The following EXOC6 variants were observed in gnomAD, a reference collection of about 807,000 sequenced individuals.
EXOC6 encodes the protein exocyst complex component 6.
In EXOC6, 60 loss-of-function variants were observed where a neutral mutation model predicts 112.5. The observed-to-expected ratio is 0.53, with a 90% CI of 0.43 to 0.66. The LOEUF is 0.66. EXOC6 is among the 30% of genes least tolerant of loss of function. EXOC6 has a pLI of 0.00. For missense variants in EXOC6, 855 were observed against 957.1 expected, an observed-to-expected ratio of 0.89 and a Z score of 1.41; for synonymous variants, 295 against 308.0, an observed-to-expected ratio of 0.96 and a Z score of 0.44.
chr10:93,026,282 A>G (rs904761410), intron 20 of EXOC6, among the ~76,000 whole-genome samples: 1 of 152,162 alleles, frequency 6.6e-6, no homozygotes, highest in African/African-American at 2.4e-5. Context: ...TGAGTCAGGG[A>G]GTGTATACAC....
At chr10:92,987,085 A>G (rs1843039166) in intron 18 of EXOC6, among the ~76,000 whole-genome samples, 1 of 152,186 alleles carries the variant, frequency 6.6e-6, no homozygotes, top group Non-Finnish European at 1.5e-5. Context: ...TATATTCTCT[A>G]TAGTTTTGTC....
At chr10:92,944,753 G>A (rs1852874480) in intron 13 of EXOC6, among the ~76,000 whole-genome samples, 2 of 150,922 alleles carry the variant, frequency 1.3e-5, no homozygotes, top group African/African-American at 4.9e-5. Flanking sequence ...TCTCACAGCT[G>A]TGAGGTGATA....
chr10:93,007,456 G>T (rs1295899829), intron 19 of EXOC6, among the ~76,000 whole-genome samples: 1 of 152,080 alleles, frequency 6.6e-6, no homozygotes, highest in Non-Finnish European at 1.5e-5. Flanking sequence ...TTCAAGACCA[G>T]CCTGGCCAAC....
At chr10:92,896,147 G>GTGTGTGTGTGTATATA (rs1432410468) in intron 4 of EXOC6, among the ~76,000 whole-genome samples, 1 of 24,486 alleles carries the variant, frequency 4.1e-5, no homozygotes, top group African/African-American at 2.3e-4. Context: ...GTATGTATGT[G>GTGTGTGTGTGTATATA]TATATATATA....
chr10:92,831,801 CT>C (rs1422775147), upstream of EXOC6, among the ~76,000 whole-genome samples: 1 of 152,084 alleles, frequency 6.6e-6, no homozygotes, highest in Non-Finnish European at 1.5e-5. Flanking sequence ...CTAAAATCTC[CT>C]TGAATAAAGA....
At chr10:93,012,638 CA>C (rs1187313370) in intron 19 of EXOC6, among the ~76,000 whole-genome samples, 1 of 152,136 alleles carries the variant, frequency 6.6e-6, no homozygotes, top group Non-Finnish European at 1.5e-5. Context: ...CTATATTTCA[CA>C]CAGAATACAC....
chr10:92,896,171 ATATATATATAT>A (rs1849791438), intron 4 of EXOC6, among the ~76,000 whole-genome samples: 1 of 25,224 alleles, frequency 4.0e-5, no homozygotes. Flanking sequence ...ATATATATAT[ATATATATATAT>A]TTTTTTTTTT....
At chr10:93,010,333 G>A (rs1844180748) in intron 19 of EXOC6, among the ~76,000 whole-genome samples, 1 of 152,124 alleles carries the variant, frequency 6.6e-6, no homozygotes, top group Non-Finnish European at 1.5e-5. Flanking sequence ...TGGATTAATG[G>A]AGTAAATGCC....
intron 19 of EXOC6, chr10:92,999,233 T>C (rs1415811156): frequency 7.3e-6 from 3 of 413,170 alleles, no homozygotes; most frequent in Non-Finnish European, 1.4e-5. Context: ...GTTTTTTTTT[T>C]TTTTTTTAAA....
rs575307040 is a variant in EXOC6, at chr10:92,870,551, T to G, written c.101+21917T>G. Among the ~76,000 whole-genome samples the G allele has an allele frequency of 5.4e-4, 83 of 152,328 alleles. No homozygotes were observed. In the Middle Eastern group the frequency reaches 0.01, roughly 19 times the overall value. ...CTAGTATGCTTTTAAAGATTTTTTC[T>G]TTGATATTTATAAGTGAGATTACTT... On this transcript the variant is annotated intron_variant, in intron 1 of 21. Coordinates refer to ENST00000260762, the MANE Select transcript of EXOC6 (RefSeq NM_019053.6).
intron 1 of EXOC6, among the ~76,000 whole-genome samples, chr10:92,849,795 A>T (rs1487269052): frequency 6.6e-6 from 1 of 152,134 alleles, no homozygotes; most frequent in East Asian, 1.9e-4. Flanking sequence ...GAAAAAAATT[A>T]TTTAACCTCT....
chr10:92,911,374 C>T (rs1352895564), intron 6 of EXOC6, among the ~76,000 whole-genome samples: 3 of 152,132 alleles, frequency 2.0e-5, no homozygotes, highest in African/African-American at 7.2e-5. Context: ...TACCTCTGGC[C>T]AAGGAAATCT....
At position 92,871,498 on chromosome 10, in the gene EXOC6, CAAAA is replaced by C. The variant is rs75179832; in HGVS notation, c.102-21833_102-21830del. 7.6e-3 allele frequency among the ~76,000 whole-genome samples: 512 copies of C among 67,120 alleles called. 4 individuals are homozygous for C. Among genetic ancestry groups the C allele is most frequent in the Non-Finnish European group, 0.01 (328 of 32,670 alleles). 44.0% of individuals were successfully genotyped at this position (67,120 alleles called of 152,430 possible). A position where few individuals can be genotyped will look rare whatever the true frequency, so the allele number is the denominator to read the frequency against. On this transcript the variant is annotated intron_variant, in intron 1 of 21. Coordinates refer to ENST00000260762, the MANE Select transcript of EXOC6 (RefSeq NM_019053.6). Reference sequence around the variant, plus strand: ...TGGGTGACAGAACAAGACCCTGTCTCAAAAAAAAAAAAAAAAAAAAATCATAGGC... The same window carrying C: ...TGGGTGACAGAACAAGACCCTGTCTCAAAAAAAAAAAAAAAAATCATAGGC...
At chr10:92,874,383 G>A (rs755341131) in intron 1 of EXOC6, among the ~76,000 whole-genome samples, 2 of 151,878 alleles carry the variant, frequency 1.3e-5, no homozygotes, top group Non-Finnish European at 1.5e-5. Context: ...CTTATTTCTG[G>A]ATTATTATGT....
At chr10:92,973,911 A>G (rs1842396915) in intron 17 of EXOC6, 142 bp from the exon 18 acceptor site, 1 of 682,698 alleles carries the variant, frequency 1.5e-6, no homozygotes. Flanking sequence ...TGCCAGAAAA[A>G]AAAAACCAAC....
chr10:92,830,262 G>T (rs17107942), upstream of EXOC6, among the ~76,000 whole-genome samples: 56 of 152,288 alleles, frequency 3.7e-4, no homozygotes, highest in East Asian at 8.5e-3. Context: ...TACAGAGCAA[G>T]GAGCCTGGGA....
At chr10:92,860,695 A>G (rs1253728624) in intron 1 of EXOC6, among the ~76,000 whole-genome samples, 2 of 152,196 alleles carry the variant, frequency 1.3e-5, no homozygotes, top group Non-Finnish European at 2.9e-5. Context: ...GATACCTAAT[A>G]TAAGTGGAAT....
At position 92,943,350 on chromosome 10, in the gene EXOC6, C is replaced by G. The variant is rs1349088240; in HGVS notation, c.1310+2526C>G. Reference sequence around the variant, plus strand: ...TTTTTAAGAAGTAGCACAACTTAAGCTTTGCTTACCTCTGACCCGTATCCT... The same window carrying G: ...TTTTTAAGAAGTAGCACAACTTAAGGTTTGCTTACCTCTGACCCGTATCCT... On this transcript the variant is annotated intron_variant, in intron 13 of 21. Transcript: ENST00000260762. Among the ~76,000 whole-genome samples the G allele has an allele frequency of 3.3e-5, 5 of 152,186 alleles. No individual in the cohort carries two copies. The East Asian group carries it at 9.6e-4, about 29-fold the overall frequency.
Position 93,014,146 on chromosome 10 carries a change from A to G in EXOC6, c.2096-48A>G, listed in dbSNP as rs200017693. 7.7e-5 allele frequency: 105 copies of G among 1,371,316 alleles called. No homozygotes were observed. In the Admixed American group the frequency reaches 1.1e-3, roughly 15 times the overall value. 84.9% of individuals were successfully genotyped at this position (1,371,316 alleles called of 1,614,324 possible). On this transcript the variant is annotated intron_variant, in intron 19 of 21. Transcript: ENST00000260762. ...ATTAATTTATCAGTTAAACTCTTGT[A>G]TATTTTGTGATCTCATTTTTATTCT...
Sources: allele counts gnomAD v4.1 joint callset (sites outside exome capture counted in the v4.1 genomes callset), GRCh38; gene constraint gnomAD v4.1.1; transcripts MANE v1.5; gene names NCBI Gene and HGNC (gene_info 2026-07-23, HGNC 2026-07-21).